NDRG2: variants seen among roughly 807,000 people sequenced by gnomAD.
The protein encoded by NDRG2 is NDRG family member 2.
NDRG2 carries 34 observed loss-of-function variants against 58.2 expected under a neutral mutation model. The observed-to-expected ratio is 0.58, with a 90% CI of 0.44 to 0.78. The LOEUF is 0.78. Ranked by LOEUF, NDRG2 falls within the 30% of genes least tolerant of loss-of-function variation. The probability of loss-of-function intolerance (pLI) is 0.00; values close to 1 mark genes in which losing one functional copy is unlikely to be tolerated. For missense variants in NDRG2, 434 were observed against 471.2 expected (o/e 0.92, Z 0.73); for synonymous variants, 187 against 175.9 (o/e 1.06, Z -0.50).
chr14:21,017,821 G>A (rs1181762280), intron 15 of NDRG2, 59 bp from the exon 16 acceptor site: 18 of 1,605,270 alleles, frequency 1.1e-5, no homozygotes, highest in African/African-American at 5.4e-5. Flanking sequence ...GGGGGCTGGC[G>A]ACTCAGGGTG....
intron 1 of NDRG2, among the ~76,000 whole-genome samples, chr14:21,052,267 C>G (rs1340272133): frequency 6.6e-6 from 1 of 152,206 alleles, no homozygotes; most frequent in Non-Finnish European, 1.5e-5. Flanking sequence ...TGATTCCTGT[C>G]CCACGAGTTT....
At chr14:21,067,760 G>A (rs968049006) in intron 1 of NDRG2, among the ~76,000 whole-genome samples, 6 of 67,466 alleles carry the variant, frequency 8.9e-5, no homozygotes, top group Admixed American at 1.9e-4. Context: ...GTGTACACAC[G>A]TACACACACA....
At chr14:21,032,715 G>A in intron 1 of NDRG2, 1 of 362,194 alleles carries the variant, frequency 2.8e-6, no homozygotes, top group Non-Finnish European at 5.4e-6. Flanking sequence ...TGACTGCTAA[G>A]GGTAGCTCAG....
upstream of NDRG2, chr14:21,025,184 C>G (rs1433100015): frequency 2.2e-6 from 2 of 891,322 alleles, no homozygotes; most frequent in African/African-American, 1.8e-5. This position sits in a 1 kb window ranked among gnomAD's most constrained non-coding sequence, Gnocchi z 5.1. Context: ...AACACGCCCC[C>G]CCTTTCACCC....
chr14:21,069,405 G>A (rs1300549476), intron 1 of NDRG2, among the ~76,000 whole-genome samples: 4 of 152,216 alleles, frequency 2.6e-5, no homozygotes, highest in African/African-American at 9.7e-5. Context: ...GGAAGGGGCT[G>A]GCATCCAGTA....
chr14:21,070,364 G>A lies in NDRG2; in HGVS notation c.24+464C>T. The A allele has an allele frequency of 7.1e-7, 1 of 1,406,186 alleles. No individual in the cohort carries two copies. Among genetic ancestry groups the A allele is most frequent in the Non-Finnish European group, 9.2e-7 (1 of 1,087,332 alleles). The allele number at this position is 1,406,186 out of a possible 1,614,324, so 87.1% of individuals were successfully genotyped here. On this transcript the variant is annotated intron_variant, in intron 1 of 14. Coordinates refer to the NDRG2 transcript ENST00000403829. This position sits in a 1 kb window ranked among gnomAD's most constrained non-coding sequence, Gnocchi z 4.7. ...GTGGCGCGCCCGGCCCCGCCCGCCC[G>A]ACCAAGCGTCGGACGCGGCCCGGCG...
In NDRG2 at chr14:21,023,318, T is replaced by C. The variant is rs764747767; in HGVS notation, c.-3A>G. On this transcript the variant is annotated 5_prime_UTR_variant, in exon 2 of 16. Coordinates refer to ENST00000556147, the MANE Select transcript of NDRG2 (RefSeq NM_001320329.2). ...TGCACCTCCTGCAGCTCCGCCATGG[T>C]GGCCTGGCAGGATGAGGAAATGAGA... 1.2e-6 allele frequency: 2 copies of C among 1,613,064 alleles called. No homozygotes were observed. Among genetic ancestry groups the C allele is most frequent in the South Asian group, 1.1e-5 (1 of 90,788 alleles).
intron 1 of NDRG2, chr14:21,032,327 C>G: frequency 1.7e-6 from 1 of 598,734 alleles, no homozygotes; most frequent in South Asian, 1.5e-5. Flanking sequence ...CAGCTGCTTC[C>G]AAGAACAGGA....
At chr14:21,058,052 A>C in intron 1 of NDRG2, 1 of 1,614,178 alleles carries the variant, frequency 6.2e-7, no homozygotes, top group Non-Finnish European at 8.5e-7. Flanking sequence ...CAACTCAGCC[A>C]TGAGCATCAT....
At chr14:21,037,407 G>A (rs991944834) in intron 1 of NDRG2, among the ~76,000 whole-genome samples, 2 of 152,216 alleles carry the variant, frequency 1.3e-5, no homozygotes, top group African/African-American at 4.8e-5. Flanking sequence ...CATTTCCCTA[G>A]GGATGAAAAA....
intron 8 of NDRG2, 112 bp downstream of exon 8, chr14:21,020,384 A>T: frequency 1.3e-6 from 1 of 790,984 alleles, no homozygotes; most frequent in Non-Finnish European, 2.1e-6. Flanking sequence ...CTGCCCCTTT[A>T]CTCCCTCCTT....
intron 1 of NDRG2, chr14:21,031,290 C>G: frequency 4.7e-6 from 6 of 1,289,892 alleles, no homozygotes; most frequent in Non-Finnish European, 6.3e-6. Flanking sequence ...TAGAGATCAT[C>G]TAGACATTCC....
chr14:21,035,285 A>C (rs1362288907), intron 1 of NDRG2, among the ~76,000 whole-genome samples: 1 of 152,222 alleles, frequency 6.6e-6, no homozygotes, highest in Non-Finnish European at 1.5e-5. Flanking sequence ...CTGAAGCCTC[A>C]AACTTGGCAG....
At chr14:21,032,400 G>C (rs1370527112) in intron 1 of NDRG2, 3 of 460,040 alleles carry the variant, frequency 6.5e-6, no homozygotes, top group Admixed American at 4.8e-5. Flanking sequence ...TCTACTACTT[G>C]TGTTCACACA....
chr14:21,020,577 G>T lies in NDRG2; in HGVS notation c.474C>A (p.Asn158Lys). ...GAYILARYALNHPDTVEGLVL... is the reference protein window; with the variant it reads ...GAYILARYALKHPDTVEGLVL... Reference sequence around the variant, plus strand: ...CAAGACCTTCAACAGTGTCCGGGTGGTTAAGCTGAGGGACAGCAGAAGGAA... The same window carrying T: ...CAAGACCTTCAACAGTGTCCGGGTGTTTAAGCTGAGGGACAGCAGAAGGAA... The change falls in exon 8 of 16, where the codon AAC (asparagine) becomes AAA (lysine). Residue 158 changes from asparagine to lysine, a missense_variant. Asn to Lys is a moderately conservative substitution (Grantham distance 94). Transcript: ENST00000556147. 1 of 1,613,588 alleles carries T rather than the reference G, an allele frequency of 6.2e-7. No individual in the cohort carries two copies. The highest frequency in any genetic ancestry group is 8.5e-7 in the Non-Finnish European group (1 of 1,179,896).
At chr14:21,041,007 T>TTTG (rs1386643782) in intron 1 of NDRG2, among the ~76,000 whole-genome samples, 2 of 112,724 alleles carry the variant, frequency 1.8e-5, no homozygotes, top group African/African-American at 6.2e-5. Context: ...TTGTTTGTTT[T>TTTG]TTGAGACAGG....
chr14:21,023,550 C>T (rs1882036104), intron 1 of NDRG2: 1 of 539,526 alleles, frequency 1.9e-6, no homozygotes, highest in Non-Finnish European at 3.3e-6. Context: ...TGATACTCAC[C>T]ATCCCCACTG....
At chr14:21,058,143 C>A (rs1885765941) in intron 1 of NDRG2, 1 of 1,614,174 alleles carries the variant, frequency 6.2e-7, no homozygotes, top group Non-Finnish European at 8.5e-7. Flanking sequence ...ACCTGCCAGA[C>A]CCCCAACATA....
At chr14:21,023,395 T>A (rs1881901732) in intron 1 of NDRG2, 74 bp from the exon 2 acceptor site, 1 of 1,344,500 alleles carries the variant, frequency 7.4e-7, no homozygotes. Context: ...AGGCTTCCTC[T>A]CTCAGCACAG....
Sources: allele counts gnomAD v4.1 joint callset (sites outside exome capture counted in the v4.1 genomes callset), GRCh38; gene constraint gnomAD v4.1.1; non-coding constraint Gnocchi (gnomAD v3.1); transcripts MANE v1.5; gene names NCBI Gene and HGNC (gene_info 2026-07-23, HGNC 2026-07-21).